Variants in C1orf105 observed in about 807,000 individuals in gnomAD.
The protein encoded by C1orf105 is uncharacterized protein C1orf105.
C1orf105 carries 17 observed loss-of-function variants against 20.8 expected under a neutral mutation model. The ratio of observed to expected loss-of-function variants is 0.82; its 90% confidence interval spans 0.56 to 1.23. C1orf105 has a LOEUF of 1.23. C1orf105 is among the 50% of genes most tolerant of loss of function. C1orf105 has a pLI of 0.00. For synonymous variants in C1orf105, 72 were observed against 72.1 expected (o/e 1.00, Z 0.01); for missense variants, 219 against 213.5 (o/e 1.03, Z -0.16).
chr1:172,467,000 G>A (rs1336115457), intron 6 of C1orf105, among the ~76,000 whole-genome samples: 1 of 152,166 alleles, frequency 6.6e-6, no homozygotes, highest in Admixed American at 6.5e-5. Context: ...ACCTCGGTAG[G>A]AATCCTAGTC....
At chr1:172,446,117 G>T (rs1647975230) in intron 2 of C1orf105, among the ~76,000 whole-genome samples, 1 of 152,064 alleles carries the variant, frequency 6.6e-6, no homozygotes, top group Non-Finnish European at 1.5e-5. Flanking sequence ...TAGGTAGACG[G>T]TTTTAGTATT....
chr1:172,468,433 T>C lies in C1orf105; in HGVS notation c.407-16T>C, dbSNP rs1650216414. The C allele has an allele frequency of 1.2e-6, 2 of 1,604,192 alleles. No homozygotes were observed. Among genetic ancestry groups the C allele is most frequent in the African/African-American group, 1.3e-5 (1 of 74,570 alleles). On this transcript the variant is annotated splice_polypyrimidine_tract_variant and intron_variant, in intron 6 of 6. Coordinates refer to ENST00000367727, the MANE Select transcript of C1orf105 (RefSeq NM_139240.4). ...AGTAGTCCTTATCCTTCTTTCCTTC[T>C]TGTACTGTCATCCAGAAAGCATTCA... is the stretch of plus-strand genomic sequence containing the variant.
At chr1:172,444,947 A>T in intron 1 of C1orf105, 126 bp from the exon 2 acceptor site, 2 of 608,896 alleles carry the variant, frequency 3.3e-6, no homozygotes, top group Non-Finnish European at 5.5e-6. Flanking sequence ...ATGGTTAAAG[A>T]GTTAAATATA....
intron 1 of C1orf105, chr1:172,443,248 C>T (rs551479235): frequency 6.0e-6 from 1 of 167,348 alleles, no homozygotes; most frequent in East Asian, 1.9e-4. Flanking sequence ...CAGTTCTTAA[C>T]TCAGTGGTTC....
chr1:172,444,206 A>T, intron 1 of C1orf105: 1 of 985,934 alleles, frequency 1.0e-6, no homozygotes, highest in Non-Finnish European at 1.2e-6. Context: ...ACTGGCCCAA[A>T]CCCGAATGCT....
intron 4 of C1orf105, 78 bp downstream of exon 4, chr1:172,456,567 G>A (rs1336245723): frequency 1.4e-6 from 2 of 1,414,054 alleles, no homozygotes; most frequent in Non-Finnish European, 2.0e-6. Flanking sequence ...GCCCTGTGGG[G>A]AGAGATAGTG....
chr1:172,424,646 C>A (rs1309877019), intron 1 of C1orf105, among the ~76,000 whole-genome samples: 1 of 152,216 alleles, frequency 6.6e-6, no homozygotes, highest in South Asian at 2.1e-4. Context: ...CCACCTCAGT[C>A]TCCCAAAGTG....
In C1orf105 at chr1:172,450,045, C is replaced by G. The variant is rs139767876; in HGVS notation, c.198+1514C>G. Reference sequence around the variant, plus strand: ...CGACCAGTAGGAGTGAGAGGCCATTCTCCAGCAGGGTATAGCGGTTTTTGT... The same window carrying G: ...CGACCAGTAGGAGTGAGAGGCCATTGTCCAGCAGGGTATAGCGGTTTTTGT... On this transcript the variant is annotated intron_variant, in intron 3 of 6. Coordinates refer to ENST00000367727, the MANE Select transcript of C1orf105 (RefSeq NM_139240.4). 2.1e-4 allele frequency among the ~76,000 whole-genome samples: 32 copies of G among 152,318 alleles called. No individual in the cohort carries two copies. The East Asian group carries it at 2.7e-3, about 13-fold the overall frequency.
At chr1:172,464,759 C>T (rs1649920715) in intron 5 of C1orf105, among the ~76,000 whole-genome samples, 1 of 151,796 alleles carries the variant, frequency 6.6e-6, no homozygotes, top group Non-Finnish European at 1.5e-5. Context: ...TATCAAAAAT[C>T]CATGAAAACA....
At chr1:172,442,760 G>A (rs778351354) in intron 1 of C1orf105, 3 of 751,546 alleles carry the variant, frequency 4.0e-6, no homozygotes, top group African/African-American at 3.5e-5. Flanking sequence ...ACCTTTCCTT[G>A]TTTTCAAAGG....
intron 4 of C1orf105, among the ~76,000 whole-genome samples, chr1:172,458,304 C>T (rs781409598): frequency 6.6e-6 from 1 of 152,138 alleles, no homozygotes; most frequent in Admixed American, 6.5e-5. Flanking sequence ...ATGATATGCT[C>T]TTATATAGCG....
chr1:172,425,698 G>C (rs1389973928), intron 1 of C1orf105, among the ~76,000 whole-genome samples: 1 of 152,146 alleles, frequency 6.6e-6, no homozygotes, highest in Non-Finnish European at 1.5e-5. Flanking sequence ...AGTTTGCACT[G>C]TTCTGAGGAG....
chr1:172,444,964 G>A (rs1298779803), intron 1 of C1orf105, 109 bp from the exon 2 acceptor site: 1 of 743,220 alleles, frequency 1.3e-6, no homozygotes, highest in African/African-American at 1.8e-5. Context: ...TATAAAAATG[G>A]TTTGTAAAGT....
chr1:172,463,423 T>C (rs558639161), intron 5 of C1orf105, among the ~76,000 whole-genome samples: 9 of 152,350 alleles, frequency 5.9e-5, no homozygotes, highest in African/African-American at 1.4e-4. Context: ...GACTCAAATA[T>C]AGACCCAGAT....
intron 1 of C1orf105, among the ~76,000 whole-genome samples, chr1:172,437,782 G>GA (rs763315042): frequency 2.4e-4 from 36 of 148,692 alleles, no homozygotes; most frequent in South Asian, 4.3e-4. Context: ...ATTTCTACTA[G>GA]AAAAAAAAAT....
At chr1:172,456,543 C>T (rs901538146) in intron 4 of C1orf105, 54 bp downstream of exon 4, 19 of 1,528,688 alleles carry the variant, frequency 1.2e-5, no homozygotes, top group Admixed American at 5.0e-5. Context: ...TGCAGCACTG[C>T]CCTTCCCAGC....
At chr1:172,466,274 A>G (rs1474793970) in intron 6 of C1orf105, among the ~76,000 whole-genome samples, 1 of 152,166 alleles carries the variant, frequency 6.6e-6, no homozygotes, top group African/African-American at 2.4e-5. Context: ...GAGTGGAGTG[A>G]AAGTCTTCCA....
intron 1 of C1orf105, among the ~76,000 whole-genome samples, chr1:172,440,541 C>A (rs984100125): frequency 6.6e-6 from 1 of 152,082 alleles, no homozygotes; most frequent in Non-Finnish European, 1.5e-5. Context: ...AATTTATTTC[C>A]GCCTTAGACA....
intron 3 of C1orf105, 44 bp from the exon 4 acceptor site, chr1:172,456,371 G>A (rs369597764): frequency 6.5e-7 from 1 of 1,538,028 alleles, no homozygotes; most frequent in Non-Finnish European, 8.9e-7. Context: ...TGCCCTACAT[G>A]CCCCACCATT....
Sources: allele counts gnomAD v4.1 joint callset (sites outside exome capture counted in the v4.1 genomes callset), GRCh38; gene constraint gnomAD v4.1.1; transcripts MANE v1.5; gene names NCBI Gene and HGNC (gene_info 2026-07-23, HGNC 2026-07-21).